Variants in ARHGEF12 observed in about 807,000 individuals in gnomAD.
ARHGEF12 encodes Rho guanine nucleotide exchange factor 12.
A neutral mutation model predicts 211.2 loss-of-function variants in ARHGEF12; 66 were observed. That is an observed-to-expected ratio of 0.31 (90% CI 0.26 to 0.38). The LOEUF (loss-of-function observed/expected upper bound fraction) is 0.38. Ranked by LOEUF, ARHGEF12 falls within the 10% of genes least tolerant of loss-of-function variation. The pLI is 1.00. For synonymous variants in ARHGEF12, 592 were observed against 638.4 expected, an observed-to-expected ratio of 0.93 and a Z score of 1.09; for missense variants, 1,429 against 1,869.5, an observed-to-expected ratio of 0.76 and a Z score of 4.34.
At position 120,469,813 on chromosome 11, in the gene ARHGEF12, C is replaced by T. The variant is rs77449955; in HGVS notation, c.2955+425C>T. The stretch of plus-strand genomic sequence containing the variant: ...TATCAAGGATAATTTCAAGATGCTA[C>T]GATATATAACTATGGGGCCTAGCTT... On this transcript the variant is annotated intron_variant, in intron 30 of 40. Coordinates refer to ENST00000397843, the MANE Select transcript of ARHGEF12 (RefSeq NM_015313.3). Among the ~76,000 whole-genome samples, 1,273 of 152,194 alleles carry T rather than the reference C, an allele frequency of 8.4e-3. 84 individuals are homozygous for T. In the South Asian group the frequency reaches 0.16, roughly 19 times the overall value.
chr11:120,382,288 G>A (rs1046203075), intron 1 of ARHGEF12, among the ~76,000 whole-genome samples: 1 of 152,200 alleles, frequency 6.6e-6, no homozygotes, highest in East Asian at 1.9e-4. Context: ...TGTGCAGTAT[G>A]TGCTCCTTTT....
At chr11:120,343,902 A>G (rs937522563) in intron 1 of ARHGEF12, among the ~76,000 whole-genome samples, 10 of 152,220 alleles carry the variant, frequency 6.6e-5, no homozygotes, top group African/African-American at 2.2e-4. Flanking sequence ...TTTTACATTC[A>G]TATACTCAAA....
intron 17 of ARHGEF12, 65 bp downstream of exon 17, chr11:120,446,573 A>T: frequency 7.7e-7 from 1 of 1,293,452 alleles, no homozygotes; most frequent in Non-Finnish European, 1.1e-6. Flanking sequence ...GTTAAGAAAA[A>T]GTTGCTCATT....
At position 120,488,053 on chromosome 11, in the gene ARHGEF12, T is replaced by C; in HGVS notation, c.*2976T>C. The C allele has an allele frequency of 4.5e-6, 1 of 220,530 alleles. No individual in the cohort carries two copies. The allele number at this position is 220,530 out of a possible 1,614,324, so 13.7% of individuals were successfully genotyped here. Reference sequence around the variant, plus strand: ...AACTGCCAATGAAGGATGAATCCCCTTTTTAAAAAGTTGTTGTTGTTGTTG... The same window carrying C: ...AACTGCCAATGAAGGATGAATCCCCCTTTTAAAAAGTTGTTGTTGTTGTTG... On this transcript the variant is annotated 3_prime_UTR_variant, in exon 41 of 41. Coordinates refer to ENST00000397843, the MANE Select transcript of ARHGEF12 (RefSeq NM_015313.3).
chr11:120,366,947 C>T (rs1268935504), intron 1 of ARHGEF12, among the ~76,000 whole-genome samples: 7 of 151,736 alleles, frequency 4.6e-5, no homozygotes, highest in East Asian at 3.9e-4. Context: ...ACCTGAGAGG[C>T]GGAGGTTGCA....
In ARHGEF12 at chr11:120,473,133, A is replaced by C; in HGVS notation, c.3033+6A>C. 1 of 1,611,756 alleles carries C rather than the reference A, an allele frequency of 6.2e-7. No individual in the cohort carries two copies. Among genetic ancestry groups the C allele is most frequent in the Non-Finnish European group, 8.5e-7 (1 of 1,178,638 alleles). On this transcript the variant is annotated splice_donor_region_variant and intron_variant, in intron 31 of 40. Transcript: ENST00000397843. ...CAAATGTTGAAGAGCTCAGGGTGAG[A>C]GATGGTCTAATCATAATTTAAAAAA...
intron 12 of ARHGEF12, 74 bp from the exon 13 acceptor site, chr11:120,440,055 T>C: frequency 9.9e-7 from 1 of 1,012,200 alleles, no homozygotes; most frequent in Non-Finnish European, 1.5e-6. Flanking sequence ...GTCTTTTTGA[T>C]GGGTTGGCTT....
At chr11:120,386,712 TAC>T (rs1944040454) in intron 1 of ARHGEF12, among the ~76,000 whole-genome samples, 1 of 152,156 alleles carries the variant, frequency 6.6e-6, no homozygotes, top group Non-Finnish European at 1.5e-5. Context: ...GTAGGTGTTT[TAC>T]ATAAGCTACT....
chr11:120,460,089 G>T (rs1946484503), intron 26 of ARHGEF12, among the ~76,000 whole-genome samples: 1 of 152,208 alleles, frequency 6.6e-6, no homozygotes, highest in Non-Finnish European at 1.5e-5. Context: ...CATTTTATTG[G>T]TTGAAGTCAT....
intron 1 of ARHGEF12, among the ~76,000 whole-genome samples, chr11:120,345,988 C>T (rs1336572905): frequency 2.0e-5 from 3 of 152,000 alleles, no homozygotes; most frequent in Non-Finnish European, 4.4e-5. Flanking sequence ...GATGTTGCTG[C>T]TCAGGTTAAA....
At chr11:120,454,325 C>T (rs1369397487) in intron 22 of ARHGEF12, among the ~76,000 whole-genome samples, 3 of 152,068 alleles carry the variant, frequency 2.0e-5, no homozygotes, top group East Asian at 3.8e-4. Flanking sequence ...AAGAATTTTC[C>T]CTACAAGAGA....
intron 7 of ARHGEF12, among the ~76,000 whole-genome samples, chr11:120,427,633 C>T (rs774754845): frequency 4.7e-5 from 7 of 149,804 alleles, no homozygotes; most frequent in Non-Finnish European, 8.9e-5. Flanking sequence ...GATCGTGCCG[C>T]GGCACTCCAG....
intron 17 of ARHGEF12, 139 bp downstream of exon 17, chr11:120,446,647 C>G: frequency 2.8e-6 from 2 of 724,980 alleles, no homozygotes; most frequent in South Asian, 4.3e-5. Flanking sequence ...TAATGAACAT[C>G]TGGAGCCAAA....
intron 15 of ARHGEF12, among the ~76,000 whole-genome samples, chr11:120,442,778 C>T (rs2135791245): frequency 6.6e-6 from 1 of 152,178 alleles, no homozygotes; most frequent in South Asian, 2.1e-4. Flanking sequence ...ACTGGATAAT[C>T]ATGCCGCAGG....
chr11:120,368,572 T>G (rs1443665596), intron 1 of ARHGEF12, among the ~76,000 whole-genome samples: 1 of 152,212 alleles, frequency 6.6e-6, no homozygotes, highest in Non-Finnish European at 1.5e-5. Flanking sequence ...AACAATTATT[T>G]GTGAGGAAAT....
chr11:120,431,532 T>A (rs1201624229), intron 10 of ARHGEF12, among the ~76,000 whole-genome samples: 1 of 152,194 alleles, frequency 6.6e-6, no homozygotes, highest in East Asian at 1.9e-4. Context: ...TGAACTTACA[T>A]TCTTTTTACC....
intron 1 of ARHGEF12, among the ~76,000 whole-genome samples, chr11:120,377,313 A>C (rs1456673009): frequency 6.6e-6 from 1 of 152,080 alleles, no homozygotes; most frequent in Non-Finnish European, 1.5e-5. Flanking sequence ...AATCATGTAC[A>C]GTATGTAATC....
intron 6 of ARHGEF12, among the ~76,000 whole-genome samples, chr11:120,422,788 T>G (rs972872169): frequency 6.6e-6 from 1 of 152,180 alleles, no homozygotes; most frequent in Non-Finnish European, 1.5e-5. Context: ...GTTATATGTA[T>G]GTGTATGTAT....
At chr11:120,482,177 C>T (rs1764152915) in intron 39 of ARHGEF12, among the ~76,000 whole-genome samples, 1 of 152,214 alleles carries the variant, frequency 6.6e-6, no homozygotes, top group South Asian at 2.1e-4. Flanking sequence ...TGGCTGGCCT[C>T]TGTCAGACAT....
Sources: gnomAD v4.1 joint callset for allele counts (sites outside exome capture counted in the v4.1 genomes callset) on GRCh38, gnomAD v4.1.1 for gene constraint, MANE v1.5 for transcripts, NCBI Gene and HGNC (gene_info 2026-07-23, HGNC 2026-07-21) for gene names.